Variants in ZFP57 observed in about 807,000 individuals in gnomAD.
ZFP57 encodes the protein ZFP57 zinc finger protein, also known as zinc finger protein 57 homolog.
Under a neutral mutation model 15.8 loss-of-function variants are expected in ZFP57, and 12 were observed. That is an observed-to-expected ratio of 0.76 (90% CI 0.49 to 1.23). The LOEUF (loss-of-function observed/expected upper bound fraction) is 1.23, where lower values mean the gene tolerates loss of function less well. Among genes scored for constraint, ZFP57 ranks in the 50% most tolerant of loss-of-function variants. The pLI, the probability that ZFP57 is intolerant of heterozygous loss-of-function variation, is 0.00. For missense variants in ZFP57, 536 were observed against 654.9 expected (o/e 0.82, Z 1.98); for synonymous variants, 203 against 242.3 (o/e 0.84, Z 1.51).
chr6:29,675,269 G>A, intron 4 of ZFP57, 117 bp downstream of exon 4: 4 of 819,378 alleles, frequency 4.9e-6, no homozygotes, highest in Non-Finnish European at 8.6e-6. Flanking sequence ...TGACCAGGCT[G>A]GACAGAGGTA....
chr6:29,676,155 G>A, intron 2 of ZFP57, 96 bp from the exon 3 acceptor site: 2 of 1,220,322 alleles, frequency 1.6e-6, no homozygotes, highest in Non-Finnish European at 2.3e-6. Flanking sequence ...TCAAGATTCA[G>A]AGAATTAAAA....
At chr6:29,676,081 A>C (rs538862884) in intron 2 of ZFP57, 22 bp from the exon 3 acceptor site, 2 of 1,458,900 alleles carry the variant, frequency 1.4e-6, no homozygotes, top group Admixed American at 3.8e-5. Flanking sequence ...GGAGAGACTC[A>C]AGAAGTTTAT....
rs71550149 is a variant in ZFP57 at position 29,677,768 on chromosome 6, T to TACATACACACACACAC, written c.-363-403_-363-402insGTGTGTGTGTGTATGT. Among the ~76,000 whole-genome samples, 1,107 of 149,608 alleles carry TACATACACACACACAC rather than the reference T, an allele frequency of 7.4e-3. 16 individuals carry two copies. Among genetic ancestry groups the TACATACACACACACAC allele is most frequent in the Middle Eastern group, 0.024 (7 of 292 alleles). ...AAGATCTCTTCCATGACCAAAATTATACACACACACACACACACACACACA... is the reference window on the plus strand; with the variant it reads ...AAGATCTCTTCCATGACCAAAATTATACATACACACACACACACACACACACACACACACACACACA... On this transcript the variant is annotated intron_variant, in intron 1 of 4. Transcript: ENST00000376883.
At position 29,673,714 on chromosome 6, in the gene ZFP57, C is replaced by T; in HGVS notation, c.397G>A (p.Asp133Asn). The T allele has an allele frequency of 6.2e-7, 1 of 1,613,124 alleles. No individual in the cohort carries two copies. The highest frequency in any genetic ancestry group is 8.5e-7 in the Non-Finnish European group (1 of 1,180,048). ...ELREQHPSLR[D>N]EGTSDDKVFL... ...ACCTTGTCATCACTAGTCCCCTCAT[C>T]TCTCAGACTGGGATGTTGTTCTCGA... Residue 133 changes from aspartate (D) to asparagine (N), a missense_variant, in exon 5 of 5, where the codon GAT (aspartate) becomes AAT (asparagine). By Grantham distance (23) the Asp-to-Asn change is conservative. Coordinates refer to ENST00000376883, the MANE Select transcript of ZFP57 (RefSeq NM_001109809.5). This position sits in a 1 kb window ranked among gnomAD's most constrained non-coding sequence, Gnocchi z 4.7.
chr6:29,673,658 G>A lies in ZFP57; in HGVS notation c.453C>T (p.Cys151=). 1 of 1,612,858 alleles carries A rather than the reference G, an allele frequency of 6.2e-7. No homozygotes were observed. Among genetic ancestry groups the A allele is most frequent in the African/African-American group, 1.3e-5 (1 of 75,042 alleles). ...VFLACRGAGQ[C]PLSAPAGTMD... ...TAGTCCCAGCTGGGGCAGATAGGGGGCACTGGCCGGCCCCTCTGCATGCAA... is the reference window on the plus strand; with the variant it reads ...TAGTCCCAGCTGGGGCAGATAGGGGACACTGGCCGGCCCCTCTGCATGCAA... Residue 151 remains cysteine (C), a synonymous_variant, in exon 5 of 5, where the codon TGC becomes TGT. Coordinates refer to ENST00000376883, the MANE Select transcript of ZFP57 (RefSeq NM_001109809.5). This position sits in a 1 kb window ranked among gnomAD's most constrained non-coding sequence, Gnocchi z 4.7.
intron 2 of ZFP57, among the ~76,000 whole-genome samples, chr6:29,676,293 T>C (rs1323872220): frequency 6.6e-6 from 1 of 151,760 alleles, no homozygotes; most frequent in Non-Finnish European, 1.5e-5. Flanking sequence ...ATCCCAGCAC[T>C]TTGGGAGGCT....
downstream of ZFP57, chr6:29,672,448 T>C: frequency 6.2e-7 from 1 of 1,603,964 alleles, no homozygotes; most frequent in Non-Finnish European, 8.5e-7. Flanking sequence ...ACCCCAGAGG[T>C]CAGTCCTCAG....
At chr6:29,674,995 A>G (rs1187267230) in intron 4 of ZFP57, among the ~76,000 whole-genome samples, 1 of 152,028 alleles carries the variant, frequency 6.6e-6, no homozygotes, top group African/African-American at 2.4e-5. Context: ...TCTACTAAAA[A>G]TACAAAAATT....
intron 1 of ZFP57, among the ~76,000 whole-genome samples, chr6:29,679,618 G>A (rs1052501293): frequency 2.0e-5 from 3 of 152,174 alleles, no homozygotes; most frequent in South Asian, 2.1e-4. Context: ...GGCTGGGCAC[G>A]GTGGCTCAGC....
chr6:29,676,223 G>T, intron 2 of ZFP57, 164 bp from the exon 3 acceptor site: 1 of 809,170 alleles, frequency 1.2e-6, no homozygotes, highest in Non-Finnish European at 1.9e-6. Context: ...ACAGACACAA[G>T]GCCAGCAACT....
rs977836299 is a variant in ZFP57 at position 29,677,175 on chromosome 6, G to C, written c.-172C>G. On this transcript the variant is annotated 5_prime_UTR_variant, in exon 2 of 5. Coordinates refer to ENST00000376883, the MANE Select transcript of ZFP57 (RefSeq NM_001109809.5). The stretch of plus-strand genomic sequence containing the variant: ...CCTGTGACAAATGTATCTGCTCCAA[G>C]AGGCTGTCTTCCTTTTTTGTTCTGC... 2 of 816,860 alleles carry C rather than the reference G, an allele frequency of 2.4e-6. No individual in the cohort carries two copies. Among genetic ancestry groups the C allele is most frequent in the Non-Finnish European group, 3.9e-6 (2 of 508,794 alleles). The allele number at this position is 816,860 out of a possible 1,614,324, so 50.6% of individuals were successfully genotyped here.
Position 29,672,739 on chromosome 6 carries a change from G to T in ZFP57, c.1372C>A (p.His458Asn), listed in dbSNP as rs79020217. 6 of 1,613,056 alleles carry T rather than the reference G, an allele frequency of 3.7e-6. No individual in the cohort carries two copies. Among genetic ancestry groups the T allele is most frequent in the Non-Finnish European group, 5.1e-6 (6 of 1,180,028 alleles). The change falls in exon 5 of 5, where the codon CAC (histidine) becomes AAC (asparagine). Residue 458 changes from histidine (H) to asparagine (N), a missense_variant. Transcript: ENST00000376883. ...TCCTTGCCTTTATAGCCCCTCCAGT[G>T]ATCCATAAGGCCCTCTTTCTCCCCA... ...SFGEKEGLMD[H>N]WRGYKGKDLC...
chr6:29,673,468 G>C lies in ZFP57; in HGVS notation c.643C>G (p.Pro215Ala). ...CSQCGKLFRS[P>A]KSLSYHRRMH... Reference sequence around the variant, plus strand: ...CGTCTGTGATAGCTGAGGGACTTGGGGCTCCGAAACAACTTCCCACACTGA... The same window carrying C: ...CGTCTGTGATAGCTGAGGGACTTGGCGCTCCGAAACAACTTCCCACACTGA... The change falls in exon 5 of 5, where the codon CCC becomes GCC. Residue 215 changes from proline (P) to alanine (A), a missense_variant. Coordinates refer to ENST00000376883, the MANE Select transcript of ZFP57 (RefSeq NM_001109809.5). The surrounding 1 kb of genome is among the most constrained non-coding windows in gnomAD (Gnocchi z 4.7). 1 of 1,613,074 alleles carries C rather than the reference G, an allele frequency of 6.2e-7. No homozygotes were observed. The highest frequency in any genetic ancestry group is 8.5e-7 in the Non-Finnish European group (1 of 1,180,036).
intron 1 of ZFP57, among the ~76,000 whole-genome samples, chr6:29,679,906 CAAACAAA>C (rs71772231): frequency 0.26 from 33,175 of 128,244 alleles, 3,795 homozygotes; most frequent in East Asian, 0.41. Flanking sequence ...AACAAACAAA[CAAACAAA>C]AAAAAACGCC....
chr6:29,674,880 C>T (rs921622434), intron 4 of ZFP57, among the ~76,000 whole-genome samples: 22 of 152,196 alleles, frequency 1.4e-4, no homozygotes, highest in African/African-American at 5.3e-4. Flanking sequence ...CAGCCAGGCA[C>T]GGTGGCTCAT....
intron 1 of ZFP57, among the ~76,000 whole-genome samples, chr6:29,679,182 T>C (rs1257946273): frequency 6.6e-6 from 1 of 151,936 alleles, no homozygotes. Context: ...AGCACTGGAG[T>C]TCCCTGCTCA....
chr6:29,675,304 T>C lies in ZFP57; in HGVS notation c.352+82A>G, dbSNP rs1409586828. On this transcript the variant is annotated intron_variant, in intron 4 of 4. Transcript: ENST00000376883. The stretch of plus-strand genomic sequence containing the variant: ...ACACTAGGAGAGCATCTATAGAGCA[T>C]TCATCCTCTTCATCAGCTCTCCATC... 49 of 1,017,600 alleles carry C rather than the reference T, an allele frequency of 4.8e-5. 1 individual carries two copies. In the Admixed American group the frequency reaches 7.1e-4, roughly 15 times the overall value. The allele number at this position is 1,017,600 out of a possible 1,614,324, so 63.0% of individuals were successfully genotyped here. A position where few individuals can be genotyped will look rare whatever the true frequency, so the allele number is the denominator to read the frequency against.
intron 2 of ZFP57, among the ~76,000 whole-genome samples, chr6:29,676,290 C>G (rs899909900): frequency 6.6e-6 from 1 of 152,060 alleles, no homozygotes. Context: ...GTAATCCCAG[C>G]ACTTTGGGAG....
intron 3 of ZFP57, 119 bp downstream of exon 3, chr6:29,675,814 G>C (rs1354484958): frequency 1.5e-6 from 2 of 1,295,638 alleles, no homozygotes; most frequent in Non-Finnish European, 2.2e-6. Context: ...TTCACACCTG[G>C]AAAGCATAGA....
Sources: allele counts gnomAD v4.1 joint callset (sites outside exome capture counted in the v4.1 genomes callset), GRCh38; gene constraint gnomAD v4.1.1; non-coding constraint Gnocchi (gnomAD v3.1); transcripts MANE v1.5; gene names NCBI Gene and HGNC (gene_info 2026-07-23, HGNC 2026-07-21).